Variants in SH3GL2 observed in about 807,000 individuals in gnomAD.
SH3GL2 encodes the protein SH3 domain containing GRB2 like 2, endophilin A1, also known as endophilin-A1.
SH3GL2 carries 24 observed loss-of-function variants against 46.0 expected under a neutral mutation model. That is an observed-to-expected ratio of 0.52 (90% confidence interval 0.38 to 0.73). The LOEUF is 0.73. SH3GL2 is among the 30% of genes least tolerant of loss of function. The pLI is 0.00. For synonymous variants in SH3GL2, 196 were observed against 147.1 expected, an observed-to-expected ratio of 1.33 and a Z score of -2.40; for missense variants, 413 against 424.2, an observed-to-expected ratio of 0.97 and a Z score of 0.23.
chr9:17,677,149 G>A lies in SH3GL2; in HGVS notation c.46-69917G>A, dbSNP rs146534114. Among the ~76,000 whole-genome samples, 260 of 150,904 alleles carry A rather than the reference G, an allele frequency of 1.7e-3. 3 individuals are homozygous for A. The highest frequency in any genetic ancestry group is 5.4e-3 in the African/African-American group (218 of 40,504). On this transcript the variant is annotated intron_variant, in intron 1 of 8. Transcript: ENST00000380607. ...AGAACCCACGTTCATATTCTGACTT[G>A]GTCTCTGTGAAGATTTGAAAAACAT...
chr9:17,685,038 A>G (rs754255253), intron 1 of SH3GL2, among the ~76,000 whole-genome samples: 1 of 152,060 alleles, frequency 6.6e-6, no homozygotes, highest in African/African-American at 2.4e-5. Flanking sequence ...AATACATGGT[A>G]TAGCTTTGGT....
intron 3 of SH3GL2, among the ~76,000 whole-genome samples, chr9:17,766,766 C>T (rs1468821260): frequency 6.6e-6 from 1 of 151,994 alleles, no homozygotes; most frequent in Non-Finnish European, 1.5e-5. Flanking sequence ...CTCAGCAGCC[C>T]GCTGTGGCCA....
intron 1 of SH3GL2, among the ~76,000 whole-genome samples, chr9:17,678,161 T>G (rs370836828): frequency 0.067 from 10,109 of 151,578 alleles, 513 homozygotes; most frequent in Admixed American, 0.17. Flanking sequence ...GTAATGGGAT[T>G]GCTGGGTCAA....
intron 1 of SH3GL2, among the ~76,000 whole-genome samples, chr9:17,718,142 T>C (rs746217026): frequency 2.0e-5 from 3 of 152,152 alleles, no homozygotes; most frequent in Non-Finnish European, 2.9e-5. Flanking sequence ...CAGATGGCAG[T>C]TGTAATACTT....
chr9:17,650,108 C>G (rs1323545676), intron 1 of SH3GL2, among the ~76,000 whole-genome samples: 1 of 152,142 alleles, frequency 6.6e-6, no homozygotes. Flanking sequence ...AGAATTTTCA[C>G]TTAAGAACAG....
At chr9:17,589,931 T>G (rs1414751770) in intron 1 of SH3GL2, 1 of 152,166 alleles carries the variant, frequency 6.6e-6, no homozygotes, top group East Asian at 1.9e-4. Context: ...GTACATCTGG[T>G]AGACGGTGCC....
chr9:17,619,485 C>T (rs1819081276), intron 1 of SH3GL2, among the ~76,000 whole-genome samples: 1 of 152,054 alleles, frequency 6.6e-6, no homozygotes, highest in Non-Finnish European at 1.5e-5. Flanking sequence ...CAAGACCAGC[C>T]TGACCAATAT....
intron 1 of SH3GL2, among the ~76,000 whole-genome samples, chr9:17,654,365 A>C (rs1310151028): frequency 6.6e-6 from 1 of 151,880 alleles, no homozygotes; most frequent in Non-Finnish European, 1.5e-5. Context: ...GGGAAGGGGG[A>C]TTGTCGTATT....
chr9:17,666,927 C>T (rs953699288), intron 1 of SH3GL2, among the ~76,000 whole-genome samples: 30 of 152,138 alleles, frequency 2.0e-4, no homozygotes, highest in African/African-American at 5.8e-4. Flanking sequence ...AATGTGTTGT[C>T]AAATGTTTTA....
intron 2 of SH3GL2, among the ~76,000 whole-genome samples, chr9:17,758,591 A>AAAAAAAAAAC (rs1823076057): frequency 6.7e-6 from 1 of 148,436 alleles, no homozygotes; most frequent in Non-Finnish European, 1.5e-5. Context: ...AAAAAAAAAA[A>AAAAAAAAAAC]AAAATTGCAG....
chr9:17,612,156 C>A (rs1017255833), intron 1 of SH3GL2, among the ~76,000 whole-genome samples: 7 of 152,132 alleles, frequency 4.6e-5, no homozygotes, highest in Admixed American at 1.3e-4. Context: ...GTGGCATTGC[C>A]TGTCTGTCCT....
chr9:17,665,499 G>A (rs575456958), intron 1 of SH3GL2, among the ~76,000 whole-genome samples: 1 of 152,098 alleles, frequency 6.6e-6, no homozygotes, highest in Non-Finnish European at 1.5e-5. Context: ...TAGTATTCAG[G>A]TGTTTATTTG....
intron 1 of SH3GL2, among the ~76,000 whole-genome samples, chr9:17,701,840 A>G (rs1423372077): frequency 1.3e-5 from 2 of 152,152 alleles, no homozygotes; most frequent in Non-Finnish European, 2.9e-5. Flanking sequence ...TGTTCTTTTT[A>G]TGATTGAAAA....
intron 1 of SH3GL2, among the ~76,000 whole-genome samples, chr9:17,684,632 A>T (rs1010510529): frequency 6.6e-6 from 1 of 152,170 alleles, no homozygotes; most frequent in African/African-American, 2.4e-5. Flanking sequence ...ACTAAGCAGA[A>T]TGAATACCCT....
chr9:17,608,457 A>G (rs1368771297), intron 1 of SH3GL2, among the ~76,000 whole-genome samples: 1 of 152,208 alleles, frequency 6.6e-6, no homozygotes, highest in Non-Finnish European at 1.5e-5. Context: ...AAATCTGTTA[A>G]TGGAAACTTT....
At chr9:17,660,463 A>G (rs1390820078) in intron 1 of SH3GL2, among the ~76,000 whole-genome samples, 1 of 152,206 alleles carries the variant, frequency 6.6e-6, no homozygotes, top group African/African-American at 2.4e-5. Context: ...CTGCCAGTAA[A>G]TGAATGTTTT....
chr9:17,751,974 A>G (rs1822861188), intron 2 of SH3GL2, among the ~76,000 whole-genome samples: 1 of 152,220 alleles, frequency 6.6e-6, no homozygotes, highest in Non-Finnish European at 1.5e-5. Flanking sequence ...CATGTTTGCA[A>G]TATATAGTTC....
At chr9:17,684,426 G>T (rs1820852477) in intron 1 of SH3GL2, among the ~76,000 whole-genome samples, 1 of 152,046 alleles carries the variant, frequency 6.6e-6, no homozygotes, top group Admixed American at 6.6e-5. Context: ...TGTGACAAAA[G>T]ACCCAAAAAT....
chr9:17,659,173 G>A (rs1382418392), intron 1 of SH3GL2, among the ~76,000 whole-genome samples: 1 of 152,080 alleles, frequency 6.6e-6, no homozygotes, highest in African/African-American at 2.4e-5. Flanking sequence ...GAGTTAAGCG[G>A]CCACTAAGGT....
Sources: gnomAD v4.1 joint callset for allele counts (sites outside exome capture counted in the v4.1 genomes callset) on GRCh38, gnomAD v4.1.1 for gene constraint, MANE v1.5 for transcripts, NCBI Gene and HGNC (gene_info 2026-07-23, HGNC 2026-07-21) for gene names.